The following STK24 variants were observed in gnomAD, a reference collection of about 807,000 sequenced individuals.
STK24 encodes serine/threonine-protein kinase 24.
In STK24, 21 loss-of-function variants were observed where a neutral mutation model predicts 55.6. That is an observed-to-expected ratio of 0.38 (90% CI 0.27 to 0.54). The LOEUF is 0.54. STK24 is among the 20% of genes least tolerant of loss of function. The pLI, the probability that STK24 is intolerant of heterozygous loss-of-function variation, is 0.79. For missense variants in STK24, 383 were observed against 538.4 expected (o/e 0.71, Z 2.86); for synonymous variants, 200 against 215.2 (o/e 0.93, Z 0.62).
chr13:98,464,351 G>A (rs1222871425), intron 6 of STK24, among the ~76,000 whole-genome samples: 1 of 151,576 alleles, frequency 6.6e-6, no homozygotes, highest in Non-Finnish European at 1.5e-5. Flanking sequence ...CCCAGGAGGC[G>A]GAGCTTGCAG....
intron 1 of STK24, among the ~76,000 whole-genome samples, chr13:98,566,132 G>A (rs181769451): frequency 4.7e-4 from 72 of 152,164 alleles, no homozygotes; most frequent in Admixed American, 4.2e-3. Context: ...CACGCTGCCA[G>A]CCAGAAGCAC....
chr13:98,572,672 A>G (rs1897773259), intron 1 of STK24, among the ~76,000 whole-genome samples: 1 of 152,082 alleles, frequency 6.6e-6, no homozygotes, highest in Non-Finnish European at 1.5e-5. Flanking sequence ...TTATCCAAGC[A>G]GCAAGAAAAA....
intron 1 of STK24, among the ~76,000 whole-genome samples, chr13:98,553,997 G>A (rs1427527012): frequency 1.3e-5 from 2 of 151,688 alleles, no homozygotes; most frequent in Admixed American, 1.3e-4. Flanking sequence ...AGGAGGTGGA[G>A]GCTGCAGTGA....
At chr13:98,554,933 T>G (rs1897246205) in intron 1 of STK24, among the ~76,000 whole-genome samples, 1 of 145,692 alleles carries the variant, frequency 6.9e-6, no homozygotes, top group Non-Finnish European at 1.5e-5. Context: ...GAGAATCACT[T>G]GAACCAGGGA....
intron 7 of STK24, among the ~76,000 whole-genome samples, chr13:98,462,863 C>CA (rs1200837368): frequency 6.6e-6 from 1 of 152,204 alleles, no homozygotes; most frequent in African/African-American, 2.4e-5. Flanking sequence ...CTCCTTCACC[C>CA]AAATCCACCG....
chr13:98,471,364 AC>A (rs1270846808), intron 5 of STK24, among the ~76,000 whole-genome samples: 6 of 152,150 alleles, frequency 3.9e-5, no homozygotes, highest in Non-Finnish European at 8.8e-5. Context: ...TCGCTAACAT[AC>A]CATCGTAATG....
chr13:98,554,820 G>A (rs779108105), intron 1 of STK24, among the ~76,000 whole-genome samples: 2 of 151,844 alleles, frequency 1.3e-5, no homozygotes, highest in Non-Finnish European at 2.9e-5. Flanking sequence ...TTCGAGACTA[G>A]CTTGACCAAC....
At chr13:98,509,730 C>T (rs1895815563) in intron 2 of STK24, among the ~76,000 whole-genome samples, 1 of 152,180 alleles carries the variant, frequency 6.6e-6, no homozygotes, top group Non-Finnish European at 1.5e-5. Flanking sequence ...ACTGAGCTCC[C>T]CATGTTCCAT....
Position 98,506,562 on chromosome 13 carries a change from C to G in STK24, c.273+12681G>C, listed in dbSNP as rs1006468423. 2.6e-5 allele frequency among the ~76,000 whole-genome samples: 4 copies of G among 152,148 alleles called. No homozygotes were observed. In the South Asian group the frequency reaches 8.3e-4, roughly 31 times the overall value. On this transcript the variant is annotated intron_variant, in intron 2 of 10. Coordinates refer to ENST00000539966, the MANE Select transcript of STK24 (RefSeq NM_001032296.4). ...CTCACAGGGCAATGTCTCCCGTAGC[C>G]GAAGCAGCTCCTCCGTTATCAATCA...
At chr13:98,497,310 T>G (rs1207796184) in intron 2 of STK24, among the ~76,000 whole-genome samples, 1 of 152,182 alleles carries the variant, frequency 6.6e-6, no homozygotes, top group Non-Finnish European at 1.5e-5. Flanking sequence ...AAGGTAGGAC[T>G]AACCACGTAT....
intron 3 of STK24, among the ~76,000 whole-genome samples, chr13:98,479,797 A>G (rs1555303820): frequency 2.0e-5 from 3 of 152,160 alleles, no homozygotes; most frequent in Non-Finnish European, 4.4e-5. Flanking sequence ...CTCCCAGCCT[A>G]CCTCCAAAAC....
intron 2 of STK24, among the ~76,000 whole-genome samples, chr13:98,492,082 T>C (rs199882267): frequency 2.6e-3 from 106 of 40,698 alleles, no homozygotes; most frequent in African/African-American, 4.8e-3. Context: ...TGCGCGTGTG[T>C]GTGTGTGTGT....
intron 1 of STK24, among the ~76,000 whole-genome samples, chr13:98,539,020 ACT>A (rs1158140306): frequency 1.3e-5 from 2 of 152,178 alleles, no homozygotes; most frequent in Non-Finnish European, 2.9e-5. Context: ...GACAGCCAAG[ACT>A]CACACACAGT....
intron 1 of STK24, among the ~76,000 whole-genome samples, chr13:98,520,040 C>T (rs373931362): frequency 4.6e-5 from 7 of 152,330 alleles, no homozygotes; most frequent in African/African-American, 1.7e-4. Flanking sequence ...TGTTTTGTCA[C>T]ATACATGCTG....
chr13:98,447,973 G>A lies in STK24; in HGVS notation c.*5200C>T, dbSNP rs752819742. 18 of 503,858 alleles carry A rather than the reference G, an allele frequency of 3.6e-5. No homozygotes were observed. Among genetic ancestry groups the A allele is most frequent in the African/African-American group, 2.7e-4 (14 of 50,992 alleles). 31.2% of individuals were successfully genotyped at this position (503,858 alleles called of 1,614,324 possible). ...CTCCCCAGCAACCAGAGGCCACCTC[G>A]CTCCTAACTGCTCCAATGGAGCGGG... On this transcript the variant is annotated 3_prime_UTR_variant, in exon 11 of 11. Coordinates refer to ENST00000539966, the MANE Select transcript of STK24 (RefSeq NM_001032296.4).
intron 2 of STK24, among the ~76,000 whole-genome samples, chr13:98,493,935 C>CG (rs1895142296): frequency 6.7e-6 from 1 of 150,274 alleles, no homozygotes; most frequent in African/African-American, 2.4e-5. Flanking sequence ...CTCCGCCTCC[C>CG]GGGTTCACAC....
intron 8 of STK24, among the ~76,000 whole-genome samples, chr13:98,461,054 A>AAAAAGAG: frequency 7.0e-6 from 1 of 143,662 alleles, no homozygotes; most frequent in Admixed American, 7.0e-5. Context: ...AAAAAAAAAA[A>AAAAAGAG]AGAGAGAGAG....
At chr13:98,570,401 T>G (rs775758287) in intron 1 of STK24, among the ~76,000 whole-genome samples, 3 of 152,170 alleles carry the variant, frequency 2.0e-5, no homozygotes, top group Non-Finnish European at 4.4e-5. Flanking sequence ...CCTGTAACAG[T>G]TCTTTCAAAC....
chr13:98,513,960 T>C (rs1288262938), intron 2 of STK24, among the ~76,000 whole-genome samples: 2 of 152,228 alleles, frequency 1.3e-5, no homozygotes, highest in Non-Finnish European at 2.9e-5. Flanking sequence ...TGATTTGCTA[T>C]GAACTAGCTT....
Sources: allele counts gnomAD v4.1 joint callset (sites outside exome capture counted in the v4.1 genomes callset), GRCh38; gene constraint gnomAD v4.1.1; transcripts MANE v1.5; gene names NCBI Gene and HGNC (gene_info 2026-07-23, HGNC 2026-07-21).